The following COQ2 variants were observed in gnomAD, a reference collection of about 807,000 sequenced individuals.
The protein encoded by COQ2 is coenzyme Q2, polyprenyltransferase.
A neutral mutation model predicts 35.7 loss-of-function variants in COQ2; 25 were observed. That is an observed-to-expected ratio of 0.70 (90% CI 0.51 to 0.98). COQ2 has a LOEUF of 0.98. Among genes scored for constraint, COQ2 ranks in the 50% least tolerant of loss-of-function variants. COQ2 has a pLI of 0.00. For synonymous variants in COQ2, 206 were observed against 186.2 expected (o/e 1.11, Z -0.86); for missense variants, 488 against 473.5 (o/e 1.03, Z -0.28).
intron 1 of COQ2, 78 bp downstream of exon 1, chr4:83,284,434 C>A: frequency 6.8e-7 from 1 of 1,476,526 alleles, no homozygotes; most frequent in Middle Eastern, 2.2e-4. Flanking sequence ...CCCGGCCGGC[C>A]GCCGCGGACA....
chr4:83,273,411 T>A (rs1469542961), intron 3 of COQ2, 85 bp downstream of exon 3: 3 of 1,408,136 alleles, frequency 2.1e-6, no homozygotes, highest in Non-Finnish European at 2.9e-6. Context: ...TGAACAACTT[T>A]GTGATAAAGA....
chr4:83,284,610 C>T lies in COQ2; in HGVS notation c.155G>A (p.Arg52His). 3 of 1,533,244 alleles carry T rather than the reference C, an allele frequency of 2.0e-6. No homozygotes were observed. The highest frequency in any genetic ancestry group is 2.4e-5 in the South Asian group (2 of 82,664). The allele number at this position is 1,533,244 out of a possible 1,614,324, so 95.0% of individuals were successfully genotyped here. A position where few individuals can be genotyped will look rare whatever the true frequency, so the allele number is the denominator to read the frequency against. The change falls in exon 1 of 7, where the codon CGC becomes CAC. Residue 52 changes from arginine (R) to histidine (H), a missense_variant. Coordinates refer to ENST00000647002, the MANE Select transcript of COQ2 (RefSeq NM_001358921.2). ...CGCGGACAAACTGAGCTGGCGCCCGCGCGGCTCGGGACAGGCGGGGGGCTG... is the reference window on the plus strand; with the variant it reads ...CGCGGACAAACTGAGCTGGCGCCCGTGCGGCTCGGGACAGGCGGGGGGCTG... ...DLQPPACPEP[R>H]GRQLSLSAAA...
At chr4:83,277,097 A>G (rs958508760) in intron 2 of COQ2, among the ~76,000 whole-genome samples, 1 of 152,160 alleles carries the variant, frequency 6.6e-6, no homozygotes, top group African/African-American at 2.4e-5. Context: ...CATACTACAT[A>G]TGGGTACACT....
intron 5 of COQ2, among the ~76,000 whole-genome samples, chr4:83,268,930 A>C (rs752497507): frequency 2.0e-5 from 3 of 152,226 alleles, no homozygotes; most frequent in Admixed American, 1.3e-4. Context: ...TTCTCAGAAC[A>C]TGTACTATCA....
rs762616589 is a variant in COQ2 at position 83,269,867 on chromosome 4, G to A, written c.755C>T (p.Ala252Val). 2.5e-6 allele frequency: 4 copies of A among 1,587,832 alleles called. No individual in the cohort carries two copies. Among genetic ancestry groups the A allele is most frequent in the Non-Finnish European group, 3.4e-6 (4 of 1,167,166 alleles). Reference sequence around the variant, plus strand: ...AAAAGATAATTTCTTTACCTGATGGGCATAAATAGTATCATATATTAGTGT... The same window carrying A: ...AAAAGATAATTTCTTTACCTGATGGACATAAATAGTATCATATATTAGTGT... ...MWTLIYDTIYAHQDKRDDVLI... is the reference protein window; with the variant it reads ...MWTLIYDTIYVHQDKRDDVLI... The change falls in exon 5 of 7, where the codon GCC becomes GTC. Residue 252 changes from alanine to valine, a missense_variant. Transcript: ENST00000647002.
At position 83,266,428 on chromosome 4, in the gene COQ2, G is replaced by A. The variant is rs556870348; in HGVS notation, c.951+1158C>T. Among the ~76,000 whole-genome samples the A allele has an allele frequency of 6.5e-4, 99 of 151,502 alleles. 1 individual carries two copies. Among genetic ancestry groups the A allele is most frequent in the African/African-American group, 2.3e-3 (94 of 41,218 alleles). On this transcript the variant is annotated intron_variant, in intron 6 of 6. Transcript: ENST00000647002. ...GCTGGAGTGCAGTGGTGTGATCTTG[G>A]CTCACTGGAACCTCTACCTCCTGGG...
Position 83,279,016 on chromosome 4 carries a change from C to T in COQ2, c.352G>A (p.Gly118Arg), listed in dbSNP as rs1287335254. Reference protein sequence around the residue: ...DWYMLSLFGTGAILMRGAGCT... With the variant: ...DWYMLSLFGTRAILMRGAGCT... ...CCTGCTCCACGCATCAGAATAGCTC[C>T]AGTGCCAAAGAGGGAGAGCATGTAC... Residue 118 changes from glycine to arginine, a missense_variant, in exon 2 of 7, where the codon GGA (glycine) becomes AGA (arginine). By Grantham distance (125) the Gly-to-Arg change is moderately radical. Transcript: ENST00000647002. 2 of 1,607,974 alleles carry T rather than the reference C, an allele frequency of 1.2e-6. No homozygotes were observed. Among genetic ancestry groups the T allele is most frequent in the African/African-American group, 1.3e-5 (1 of 74,778 alleles).
chr4:83,264,099 C>T lies in COQ2; in HGVS notation c.*100G>A. 1 of 739,384 alleles carries T rather than the reference C, an allele frequency of 1.4e-6. No individual in the cohort carries two copies. Among genetic ancestry groups the T allele is most frequent in the Non-Finnish European group, 2.1e-6 (1 of 483,244 alleles). 45.8% of individuals were successfully genotyped at this position (739,384 alleles called of 1,614,324 possible). ...TAAATATGCTCTAAATCTTCATCTT[C>T]AGGTTCTTAATTCTTTAACATATTG... On this transcript the variant is annotated 3_prime_UTR_variant, in exon 7 of 7. Coordinates refer to ENST00000647002, the MANE Select transcript of COQ2 (RefSeq NM_001358921.2).
chr4:83,276,660 CAG>C (rs370432227), intron 2 of COQ2, among the ~76,000 whole-genome samples: 28 of 152,252 alleles, frequency 1.8e-4, no homozygotes, highest in African/African-American at 5.8e-4. Flanking sequence ...GAACTAAAAA[CAG>C]AACTACTAAT....
chr4:83,269,079 G>T (rs1027459086), intron 5 of COQ2, among the ~76,000 whole-genome samples: 7 of 151,988 alleles, frequency 4.6e-5, no homozygotes, highest in Non-Finnish European at 8.8e-5. Flanking sequence ...AATATCAAAA[G>T]CTATAAAAAT....
chr4:83,283,875 C>T (rs1735386125), intron 1 of COQ2: 1 of 985,334 alleles, frequency 1.0e-6, no homozygotes, highest in African/African-American at 1.7e-5. Context: ...TCAGGAAAAT[C>T]TTTCTGTCGG....
At chr4:83,282,693 TC>T in intron 1 of COQ2, 1 of 183,804 alleles carries the variant, frequency 5.4e-6, no homozygotes, top group Non-Finnish European at 1.0e-5. Flanking sequence ...TAATGAATTT[TC>T]GTGACCTCAT....
chr4:83,270,060 T>C, intron 4 of COQ2, 67 bp from the exon 5 acceptor site: 7 of 1,563,878 alleles, frequency 4.5e-6, no homozygotes, highest in Non-Finnish European at 5.2e-6. Context: ...AGGGAAGGAG[T>C]GGCATCGGAG....
chr4:83,283,088 C>A (rs1158625808), intron 1 of COQ2, among the ~76,000 whole-genome samples: 1 of 152,184 alleles, frequency 6.6e-6, no homozygotes, highest in African/African-American at 2.4e-5. Flanking sequence ...TACACAGCTT[C>A]CCAATGATGG....
rs547535661 is a variant in COQ2, at chr4:83,277,909, C to T, written c.420+1039G>A. On this transcript the variant is annotated intron_variant, in intron 2 of 6. Coordinates refer to ENST00000647002, the MANE Select transcript of COQ2 (RefSeq NM_001358921.2). The stretch of plus-strand genomic sequence containing the variant: ...GCTTGAACCTGGGAGGCGGAGGTTG[C>T]GGTGAGCTGAGCTCGCACCACTGCA... Among the ~76,000 whole-genome samples, 9 of 151,356 alleles carry T rather than the reference C, an allele frequency of 5.9e-5. No homozygotes were observed. In the East Asian group the frequency reaches 1.6e-3, roughly 26 times the overall value.
intron 1 of COQ2, among the ~76,000 whole-genome samples, chr4:83,282,128 G>A (rs1157432458): frequency 6.6e-6 from 1 of 152,102 alleles, no homozygotes; most frequent in Non-Finnish European, 1.5e-5. Flanking sequence ...AAGTTCTGAG[G>A]GGTGATGGAC....
chr4:83,277,990 ACACAC>A (rs1735225791), intron 2 of COQ2, among the ~76,000 whole-genome samples: 2 of 142,412 alleles, frequency 1.4e-5, no homozygotes, highest in African/African-American at 5.9e-5. Context: ...ACACACACAC[ACACAC>A]ACACACACAC....
rs752135392 is a variant in COQ2 at position 83,267,699 on chromosome 4, T to G, written c.838A>C (p.Ser280Arg). The G allele has an allele frequency of 1.5e-5, 24 of 1,555,190 alleles. No individual in the cohort carries two copies. The highest frequency in any genetic ancestry group is 1.9e-5 in the Non-Finnish European group (22 of 1,149,236). The stretch of plus-strand genomic sequence containing the variant: ...CCCAGCATTGCAACACTGAAGCCGC[T>G]GAGCCACGGCTTGGTATTTTCTCCG... Reference protein sequence around the residue: ...RFGENTKPWLSGFSVAMLGAL... With the variant: ...RFGENTKPWLRGFSVAMLGAL... Residue 280 changes from serine (S) to arginine (R), a missense_variant, in exon 6 of 7, where the codon AGC (serine) becomes CGC (arginine). Coordinates refer to ENST00000647002, the MANE Select transcript of COQ2 (RefSeq NM_001358921.2).
At chr4:83,282,253 A>G (rs891637921) in intron 1 of COQ2, among the ~76,000 whole-genome samples, 2 of 152,112 alleles carry the variant, frequency 1.3e-5, no homozygotes, top group Admixed American at 1.3e-4. Context: ...TTTCTGGAAT[A>G]AGGTAGTTTA....
Sources: allele counts gnomAD v4.1 joint callset (sites outside exome capture counted in the v4.1 genomes callset), GRCh38; gene constraint gnomAD v4.1.1; transcripts MANE v1.5; gene names NCBI Gene and HGNC (gene_info 2026-07-23, HGNC 2026-07-21).